The following CSMD2 variants were observed in gnomAD, a reference collection of about 807,000 sequenced individuals.
CSMD2 encodes CUB and sushi domain-containing protein 2.
A neutral mutation model predicts 398.5 loss-of-function variants in CSMD2; 130 were observed. The ratio of observed to expected loss-of-function variants is 0.33; its 90% confidence interval spans 0.28 to 0.38. The LOEUF (loss-of-function observed/expected upper bound fraction) is 0.38, where lower values mean the gene tolerates loss of function less well. Ranked by LOEUF, CSMD2 falls within the 10% of genes least tolerant of loss-of-function variation. The pLI is 1.00. For synonymous variants in CSMD2, 1,828 were observed against 1,908.5 expected (o/e 0.96, Z 1.10); for missense variants, 3,829 against 4,764.9 (o/e 0.80, Z 5.78).
intron 12 of CSMD2, among the ~76,000 whole-genome samples, chr1:33,781,479 G>C (rs1272850506): frequency 1.3e-5 from 2 of 152,184 alleles, no homozygotes; most frequent in Non-Finnish European, 2.9e-5. Context: ...ACATCACAGG[G>C]CCTTAGAAAA....
intron 41 of CSMD2, among the ~76,000 whole-genome samples, chr1:33,608,271 C>T (rs1268342713): frequency 2.0e-5 from 3 of 152,156 alleles, no homozygotes; most frequent in East Asian, 1.9e-4. Flanking sequence ...GCTCATCACA[C>T]GGGGAGCACA....
In CSMD2 at chr1:33,936,604, T is replaced by C. The variant is rs1192173428; in HGVS notation, c.518-650A>G. ...GTGTGTGGCCAGAGCCAAGCAATCA[T>C]GGTCACCTGCAAGTGTGCTCTCATG... On this transcript the variant is annotated intron_variant, in intron 3 of 70. Transcript: ENST00000373381. Among the ~76,000 whole-genome samples the C allele has an allele frequency of 2.6e-5, 4 of 152,188 alleles. No homozygotes were observed. The East Asian group carries it at 7.7e-4, about 29-fold the overall frequency.
At chr1:33,667,862 T>C (rs1425399550) in intron 25 of CSMD2, among the ~76,000 whole-genome samples, 1 of 152,158 alleles carries the variant, frequency 6.6e-6, no homozygotes, top group African/African-American at 2.4e-5. Context: ...GCGCCTCCCA[T>C]ATGCGGGGTG....
Position 33,572,552 on chromosome 1 carries a change from C to G in CSMD2, c.7716G>C (p.Leu2572=). Residue 2572 remains leucine, a synonymous_variant, in exon 50 of 71, where the codon CTG becomes CTC. Transcript: ENST00000373381. Reference sequence around the variant, plus strand: ...TGCGGTTGCTCCATAGGCCTGTGTCCAGACACTCTGCAGTGGCCTCAGCGC... The same window carrying G: ...TGCGGTTGCTCCATAGGCCTGTGTCGAGACACTCTGCAGTGGCCTCAGCGC... ...QAGAEATAEC[L]DTGLWSNRNV... 1 of 1,613,962 alleles carries G rather than the reference C, an allele frequency of 6.2e-7. No individual in the cohort carries two copies. The highest frequency in any genetic ancestry group is 8.5e-7 in the Non-Finnish European group (1 of 1,179,984).
At chr1:33,557,227 C>T (rs1658081186) in intron 55 of CSMD2, among the ~76,000 whole-genome samples, 2 of 152,130 alleles carry the variant, frequency 1.3e-5, no homozygotes, top group African/African-American at 2.4e-5. Flanking sequence ...AAGAAACTGA[C>T]GCTCTGAGAG....
chr1:34,092,618 T>C (rs964618538), intron 1 of CSMD2, among the ~76,000 whole-genome samples: 1 of 152,116 alleles, frequency 6.6e-6, no homozygotes, highest in Non-Finnish European at 1.5e-5. Flanking sequence ...GGCAGGGAGT[T>C]CCCTTTCCTA....
intron 29 of CSMD2, among the ~76,000 whole-genome samples, 175 bp downstream of exon 29, chr1:33,646,473 C>A (rs542191871): frequency 6.6e-6 from 1 of 151,520 alleles, no homozygotes; most frequent in South Asian, 2.1e-4. Context: ...GGGTGAAAGA[C>A]TAAGCCCAGA....
intron 13 of CSMD2, among the ~76,000 whole-genome samples, chr1:33,754,039 G>A (rs549063027): frequency 6.6e-6 from 1 of 152,280 alleles, no homozygotes; most frequent in African/African-American, 2.4e-5. Context: ...GGTTCATGCT[G>A]GAATAAGTTA....
intron 25 of CSMD2, among the ~76,000 whole-genome samples, chr1:33,667,762 C>A (rs1279883237): frequency 3.9e-5 from 6 of 152,080 alleles, no homozygotes; most frequent in Admixed American, 2.6e-4. Context: ...GAGGAGAAGG[C>A]GGGGTTCTCT....
At position 33,537,359 on chromosome 1, in the gene CSMD2, A is replaced by G. The variant is rs1655895470; in HGVS notation, c.9805+77T>C. On this transcript the variant is annotated intron_variant, in intron 61 of 70. Transcript: ENST00000373381. The surrounding 1 kb of genome is among the most constrained non-coding windows in gnomAD (Gnocchi z 4.6). ...TGAGACCACTGAAGACAGGGAAGGA[A>G]AGTAATCATCTCAGGCCCAAAAGAA... 2 of 1,416,716 alleles carry G rather than the reference A, an allele frequency of 1.4e-6. No individual in the cohort carries two copies. Among genetic ancestry groups the G allele is most frequent in the East Asian group, 4.6e-5 (2 of 43,686 alleles). 87.8% of individuals were successfully genotyped at this position (1,416,716 alleles called of 1,614,324 possible).
chr1:33,717,330 A>G (rs1646206729), intron 19 of CSMD2, among the ~76,000 whole-genome samples: 1 of 152,022 alleles, frequency 6.6e-6, no homozygotes, highest in African/African-American at 2.4e-5. Flanking sequence ...GAGGGAGATC[A>G]GTTATATTGG....
At chr1:33,600,629 C>T (rs1472869438) in intron 44 of CSMD2, 2 of 566,378 alleles carry the variant, frequency 3.5e-6, no homozygotes, top group Non-Finnish European at 6.2e-6. Flanking sequence ...GGCTTCTGTG[C>T]CTCTCTGCCC....
At chr1:33,786,070 T>C (rs1326825317) in intron 12 of CSMD2, among the ~76,000 whole-genome samples, 1 of 152,208 alleles carries the variant, frequency 6.6e-6, no homozygotes, top group Admixed American at 6.5e-5. Flanking sequence ...CTGGGATAAA[T>C]TCCAGTAGCT....
chr1:33,725,424 T>C lies in CSMD2; in HGVS notation c.2620A>G (p.Thr874Ala), dbSNP rs574238976. The C allele has an allele frequency of 5.0e-6, 8 of 1,614,148 alleles. No homozygotes were observed. In the South Asian group the frequency reaches 8.8e-5, roughly 18 times the overall value. ...GTQVPQFLIS[T>A]SNYLYLLFST... The stretch of plus-strand genomic sequence containing the variant: ...AAGAGGAGGTAGAGGTAGTTGCTGG[T>C]GCTGATGAGGAACTGGGGAACCTGG... Residue 874 changes from threonine (T) to alanine (A), a missense_variant, in exon 17 of 71, where the codon ACC becomes GCC. Physicochemically the swap from Thr to Ala is moderately conservative, Grantham distance 58. Transcript: ENST00000373381.
chr1:33,930,998 C>A (rs1175416696), intron 4 of CSMD2, among the ~76,000 whole-genome samples: 1 of 152,256 alleles, frequency 6.6e-6, no homozygotes. Flanking sequence ...CAGACACACA[C>A]GGCTTTCCAG....
intron 55 of CSMD2, among the ~76,000 whole-genome samples, chr1:33,554,059 A>C: frequency 6.6e-6 from 1 of 152,174 alleles, no homozygotes; most frequent in East Asian, 1.9e-4. Flanking sequence ...TCTATAACAT[A>C]AAAGTACAAG....
intron 5 of CSMD2, among the ~76,000 whole-genome samples, chr1:33,897,685 A>G (rs958274092): frequency 9.8e-5 from 15 of 152,342 alleles, no homozygotes; most frequent in Admixed American, 6.5e-5. Flanking sequence ...TCACCCAGGC[A>G]CTACCAGGGA....
At chr1:33,520,028 A>C in intron 68 of CSMD2, 78 bp from the exon 69 acceptor site, 2 of 1,530,526 alleles carry the variant, frequency 1.3e-6, no homozygotes, top group East Asian at 4.6e-5. Flanking sequence ...CCGACTATAC[A>C]CTCTTGGGAA....
chr1:33,804,033 C>T (rs1166574106), intron 10 of CSMD2, among the ~76,000 whole-genome samples: 1 of 152,234 alleles, frequency 6.6e-6, no homozygotes, highest in African/African-American at 2.4e-5. Context: ...TGTGCTTCAG[C>T]TGTTTCCTAA....
Sources: allele counts gnomAD v4.1 joint callset (sites outside exome capture counted in the v4.1 genomes callset), GRCh38; gene constraint gnomAD v4.1.1; non-coding constraint Gnocchi (gnomAD v3.1); transcripts MANE v1.5; gene names NCBI Gene and HGNC (gene_info 2026-07-23, HGNC 2026-07-21).